EPSTI1: variants seen among roughly 807,000 people sequenced by gnomAD.
EPSTI1 encodes the protein epithelial-stromal interaction protein 1.
In EPSTI1, 66 loss-of-function variants were observed where a neutral mutation model predicts 49.9. The ratio of observed to expected loss-of-function variants is 1.32; its 90% CI spans 1.08 to 1.62. EPSTI1 has a LOEUF of 1.62. Ranked by LOEUF, EPSTI1 falls within the 40% of genes most tolerant of loss-of-function variation. The probability of loss-of-function intolerance (pLI) is 0.00; values close to 1 mark genes in which losing one functional copy is unlikely to be tolerated. For synonymous variants in EPSTI1, 137 were observed against 130.7 expected (o/e 1.05, Z -0.33); for missense variants, 394 against 365.5 (o/e 1.08, Z -0.64).
chr13:42,908,563 T>A (rs2037568485), intron 8 of EPSTI1, among the ~76,000 whole-genome samples: 1 of 149,094 alleles, frequency 6.7e-6, no homozygotes, highest in Non-Finnish European at 1.5e-5. Context: ...ATTTTTTGGA[T>A]AAGACTTTAA....
intron 6 of EPSTI1, among the ~76,000 whole-genome samples, chr13:42,947,312 G>GA (rs1475495180): frequency 5.8e-5 from 3 of 51,962 alleles, no homozygotes; most frequent in Non-Finnish European, 1.9e-4. Flanking sequence ...CAAAAAAAAA[G>GA]TACTTAGTAT....
chr13:42,907,928 C>T (rs959676766), intron 8 of EPSTI1, among the ~76,000 whole-genome samples: 3 of 152,048 alleles, frequency 2.0e-5, no homozygotes, highest in African/African-American at 7.2e-5. Context: ...AATAGAGAGT[C>T]CAAAAATACA....
At chr13:42,987,588 T>TA (rs2040108248) in intron 1 of EPSTI1, among the ~76,000 whole-genome samples, 2 of 151,954 alleles carry the variant, frequency 1.3e-5, no homozygotes, top group Non-Finnish European at 2.9e-5. Flanking sequence ...ATTTTTTTTT[T>TA]AAGCTCATCC....
At chr13:42,991,155 T>A (rs1003095942) in intron 1 of EPSTI1, 2 of 152,424 alleles carry the variant, frequency 1.3e-5, no homozygotes, top group Admixed American at 6.5e-5. Context: ...TATCTGCGAG[T>A]CTTGCTGGGA....
chr13:42,976,309 G>GT (rs1392436979), intron 1 of EPSTI1, among the ~76,000 whole-genome samples: 2 of 152,204 alleles, frequency 1.3e-5, no homozygotes, highest in Non-Finnish European at 2.9e-5. Flanking sequence ...ACAGCAGATA[G>GT]TAAGTGAGCC....
rs1447640130 is a variant in EPSTI1, at chr13:42,991,991, C to T, written c.175G>A (p.Ala59Thr). Residue 59 changes from alanine (A) to threonine (T), a missense_variant, in exon 1 of 11, where the codon GCG (alanine) becomes ACG (threonine). Ala to Thr is a moderately conservative substitution (Grantham distance 58, BLOSUM62 0). Transcript: ENST00000313624. The stretch of plus-strand genomic sequence containing the variant: ...TAAAATACTCACCGCCTCTGGCCCG[C>T]GTGCACGACGCTCTCCCGCGAAGGG... ...KGPSRESVVH[A>T]GQRRTSAYTL... The T allele has an allele frequency of 1.2e-6, 2 of 1,613,194 alleles. No homozygotes were observed. Among genetic ancestry groups the T allele is most frequent in the Non-Finnish European group, 1.7e-6 (2 of 1,180,002 alleles).
intron 6 of EPSTI1, among the ~76,000 whole-genome samples, chr13:42,942,701 A>T (rs1269710944): frequency 8.5e-5 from 6 of 70,926 alleles, no homozygotes; most frequent in East Asian, 8.8e-4. Flanking sequence ...TTTTTTTTTG[A>T]GACGGAGTCT....
At chr13:42,925,096 T>C (rs1275517350) in intron 7 of EPSTI1, among the ~76,000 whole-genome samples, 1 of 152,170 alleles carries the variant, frequency 6.6e-6, no homozygotes, top group Admixed American at 6.5e-5. Context: ...GCTTTCACCT[T>C]CTAAGCAGTT....
At chr13:42,987,990 A>C (rs2040115846) in intron 1 of EPSTI1, among the ~76,000 whole-genome samples, 1 of 152,230 alleles carries the variant, frequency 6.6e-6, no homozygotes, top group South Asian at 2.1e-4. Flanking sequence ...CATAATTTAC[A>C]TACAAATTCA....
At chr13:42,990,796 AC>A in intron 1 of EPSTI1, among the ~76,000 whole-genome samples, 1 of 152,212 alleles carries the variant, frequency 6.6e-6, no homozygotes. Flanking sequence ...TTTCTTAGCA[AC>A]CAGGGTTTGT....
intron 8 of EPSTI1, among the ~76,000 whole-genome samples, chr13:42,915,539 G>A (rs1413638469): frequency 6.6e-6 from 1 of 152,050 alleles, no homozygotes; most frequent in African/African-American, 2.4e-5. Context: ...CTCAAAAAAA[G>A]AGAAATGCCT....
chr13:42,931,497 G>T (rs544807582), intron 6 of EPSTI1, among the ~76,000 whole-genome samples: 1 of 152,182 alleles, frequency 6.6e-6, no homozygotes, highest in Non-Finnish European at 1.5e-5. Flanking sequence ...GAGCCACCGC[G>T]CCCGGCCTTG....
intron 6 of EPSTI1, among the ~76,000 whole-genome samples, chr13:42,928,682 G>T (rs1472989760): frequency 1.3e-5 from 2 of 152,104 alleles, no homozygotes; most frequent in African/African-American, 4.8e-5. Context: ...GGAAAATCTC[G>T]CCTCAACAGA....
intron 8 of EPSTI1, among the ~76,000 whole-genome samples, chr13:42,905,254 G>A (rs983359829): frequency 5.9e-5 from 9 of 152,114 alleles, no homozygotes; most frequent in Non-Finnish European, 4.4e-5. Context: ...AGGGAAACGC[G>A]GACGGGAGCT....
At chr13:42,911,888 T>C (rs1182704726) in intron 8 of EPSTI1, among the ~76,000 whole-genome samples, 1 of 152,194 alleles carries the variant, frequency 6.6e-6, no homozygotes, top group African/African-American at 2.4e-5. Context: ...AATTCATTTC[T>C]TTTTTTAGTA....
At chr13:42,988,847 G>T (rs2040132656) in intron 1 of EPSTI1, among the ~76,000 whole-genome samples, 1 of 66,824 alleles carries the variant, frequency 1.5e-5, no homozygotes, top group African/African-American at 4.3e-5. Context: ...ATGCAAATAG[G>T]TGGTTTATTT....
In EPSTI1 at chr13:42,948,379, T is replaced by G. The variant is rs138187364; in HGVS notation, c.563+5569A>C. Among the ~76,000 whole-genome samples the G allele has an allele frequency of 4.9e-3, 738 of 151,566 alleles. 2 individuals carry two copies. The highest frequency in any genetic ancestry group is 7.1e-3 in the Non-Finnish European group (480 of 67,932). On this transcript the variant is annotated intron_variant, in intron 6 of 10. Coordinates refer to ENST00000313624, the MANE Select transcript of EPSTI1 (RefSeq NM_033255.5). ...AGGGCCATAGGGGAAGTGGCCATGCTTCACTTCTCACCAAGCTCTCTGCAG... is the reference window on the plus strand; with the variant it reads ...AGGGCCATAGGGGAAGTGGCCATGCGTCACTTCTCACCAAGCTCTCTGCAG...
At chr13:42,911,264 T>TGTGTGCGCGCGCGCGCGTGCGC (rs549150890) in intron 8 of EPSTI1, among the ~76,000 whole-genome samples, 3 of 148,448 alleles carry the variant, frequency 2.0e-5, no homozygotes, top group African/African-American at 7.7e-5. Context: ...TGTGTGTGTG[T>TGTGTGCGCGCGCGCGCGTGCGC]GCGCGCGCAC....
rs1223333126 is a variant in EPSTI1, at chr13:42,887,455, C to A, written c.*1039G>T. ...TAACACAGAAGATCTCTTAATGCTG[C>A]AAAGTATTATTAGTTGTCCAGCTGC... is the stretch of plus-strand genomic sequence containing the variant. On this transcript the variant is annotated 3_prime_UTR_variant, in exon 11 of 11. Transcript: ENST00000313624. The A allele has an allele frequency of 6.6e-6, 1 of 152,180 alleles. No individual in the cohort carries two copies. The highest frequency in any genetic ancestry group is 1.5e-5 in the Non-Finnish European group (1 of 68,028). The allele number at this position is 152,180 out of a possible 1,614,324, so 9.4% of individuals were successfully genotyped here. A position where few individuals can be genotyped will look rare whatever the true frequency, so the allele number is the denominator to read the frequency against.
Sources: gnomAD v4.1 joint callset for allele counts (sites outside exome capture counted in the v4.1 genomes callset) on GRCh38, gnomAD v4.1.1 for gene constraint, MANE v1.5 for transcripts, NCBI Gene and HGNC (gene_info 2026-07-23, HGNC 2026-07-21) for gene names.